The following ZCCHC14 variants were observed in gnomAD, a reference collection of about 807,000 sequenced individuals.
ZCCHC14 encodes zinc finger CCHC-type containing 14.
A neutral mutation model predicts 85.0 loss-of-function variants in ZCCHC14; 16 were observed. The observed-to-expected ratio is 0.19, with a 90% CI of 0.13 to 0.29. ZCCHC14 has a LOEUF of 0.29. Among genes scored for constraint, ZCCHC14 ranks in the 10% least tolerant of loss-of-function variants. ZCCHC14 has a pLI of 1.00. For missense variants in ZCCHC14, 1,303 were observed against 1,443.5 expected, an observed-to-expected ratio of 0.90 and a Z score of 1.58; for synonymous variants, 775 against 630.7, an observed-to-expected ratio of 1.23 and a Z score of -3.43.
rs750915820 is a variant in ZCCHC14 at position 87,411,755 on chromosome 16, G to A, written c.2966C>T (p.Ala989Val). The change falls in exon 12 of 13, where the codon GCC (alanine) becomes GTC (valine). Residue 989 changes from alanine (A) to valine (V), a missense_variant. Physicochemically the swap from Ala to Val is moderately conservative, Grantham distance 64. Coordinates refer to ENST00000671377, the MANE Select transcript of ZCCHC14 (RefSeq NM_015144.3). ...GGGSTFPVVHAPYSSSGTPDP... is the reference protein window; with the variant it reads ...GGGSTFPVVHVPYSSSGTPDP... ...TGGGGTCCCGCTGCTGCTGTAAGGG[G>A]CGTGCACGACGGGGAAGGTGGAGCC... 4 of 1,612,560 alleles carry A rather than the reference G, an allele frequency of 2.5e-6. 1 individual carries two copies. Among genetic ancestry groups the A allele is most frequent in the Admixed American group, 1.7e-5 (1 of 59,976 alleles).
At chr16:87,416,379 T>C (rs1392537008) in intron 8 of ZCCHC14, among the ~76,000 whole-genome samples, 2 of 152,200 alleles carry the variant, frequency 1.3e-5, no homozygotes, top group Admixed American at 1.3e-4. Flanking sequence ...TGATTTGTGA[T>C]TTAGGCCATC....
At position 87,492,643 on chromosome 16, in the gene ZCCHC14, T is replaced by G. The variant is rs1463997645; in HGVS notation, c.-405A>C. ...CGCCCGGGAGGCGGCCGCCCCCATC[T>G]CCCCCCGCGCCGCAGGGTCTGTCAC... On this transcript the variant is annotated 5_prime_UTR_variant, in exon 1 of 13. Transcript: ENST00000671377. This position sits in a 1 kb window ranked among gnomAD's most constrained non-coding sequence, Gnocchi z 6.7. 4.4e-5 allele frequency: 6 copies of G among 137,258 alleles called. No homozygotes were observed. Among genetic ancestry groups the G allele is most frequent in the Admixed American group, 2.9e-4 (4 of 14,000 alleles). 8.5% of individuals were successfully genotyped at this position (137,258 alleles called of 1,614,324 possible).
intron 3 of ZCCHC14, among the ~76,000 whole-genome samples, chr16:87,427,423 T>C (rs1375824916): frequency 6.6e-6 from 1 of 152,176 alleles, no homozygotes; most frequent in African/African-American, 2.4e-5. Flanking sequence ...TTTTTTTTCT[T>C]TTTGAGACAG....
intron 12 of ZCCHC14, among the ~76,000 whole-genome samples, chr16:87,410,742 G>A (rs900741348): frequency 1.3e-5 from 2 of 152,206 alleles, no homozygotes; most frequent in African/African-American, 4.8e-5. Context: ...ATGGCAGAGC[G>A]CCTGTCAACC....
chr16:87,459,215 G>A (rs888375606), intron 2 of ZCCHC14, among the ~76,000 whole-genome samples: 7 of 152,220 alleles, frequency 4.6e-5, no homozygotes, highest in African/African-American at 1.7e-4. Flanking sequence ...ACGTGTGGCT[G>A]CTGACAACCA....
intron 1 of ZCCHC14, among the ~76,000 whole-genome samples, chr16:87,483,211 A>C (rs530363273): frequency 6.8e-6 from 1 of 147,788 alleles, no homozygotes; most frequent in Non-Finnish European, 1.5e-5. Context: ...GAATCCCAGC[A>C]CTTTGGGAGG....
At chr16:87,459,832 T>G (rs973072205) in intron 2 of ZCCHC14, among the ~76,000 whole-genome samples, 176 bp downstream of exon 2, 1 of 152,174 alleles carries the variant, frequency 6.6e-6, no homozygotes, top group East Asian at 1.9e-4. Flanking sequence ...ACATCAATAA[T>G]TGAGATTTTT....
At chr16:87,487,161 T>C (rs1338152521) in intron 1 of ZCCHC14, among the ~76,000 whole-genome samples, 1 of 152,186 alleles carries the variant, frequency 6.6e-6, no homozygotes, top group Non-Finnish European at 1.5e-5. Context: ...ATCTGAAGTT[T>C]CCACAGTGCT....
intron 3 of ZCCHC14, among the ~76,000 whole-genome samples, chr16:87,431,398 G>A (rs751522611): frequency 4.7e-4 from 71 of 150,904 alleles, no homozygotes; most frequent in African/African-American, 1.4e-3. Context: ...GTGTGAACCC[G>A]GGAGGCGGAG....
chr16:87,451,585 C>A (rs995067286), intron 2 of ZCCHC14, among the ~76,000 whole-genome samples: 15 of 152,234 alleles, frequency 9.9e-5, no homozygotes, highest in African/African-American at 3.4e-4. Flanking sequence ...GGTAAACATT[C>A]TGCTCGGCAT....
At chr16:87,418,137 A>C (rs1408912838) in intron 7 of ZCCHC14, among the ~76,000 whole-genome samples, 1 of 151,838 alleles carries the variant, frequency 6.6e-6, no homozygotes, top group African/African-American at 2.4e-5. Flanking sequence ...AAAACATGCT[A>C]CTCCGATAGG....
intron 3 of ZCCHC14, among the ~76,000 whole-genome samples, chr16:87,431,485 AAAAAAAG>A (rs1203818661): frequency 6.6e-6 from 1 of 151,624 alleles, no homozygotes; most frequent in Non-Finnish European, 1.5e-5. Flanking sequence ...AAAAAAAAAA[AAAAAAAG>A]AAAAGAAAAG....
chr16:87,420,857 T>C lies in ZCCHC14; in HGVS notation c.841-141A>G. 1 of 606,144 alleles carries C rather than the reference T, an allele frequency of 1.6e-6. No homozygotes were observed. Among genetic ancestry groups the C allele is most frequent in the East Asian group, 3.1e-5 (1 of 32,374 alleles). The allele number at this position is 606,144 out of a possible 1,614,324, so 37.5% of individuals were successfully genotyped here. Reference sequence around the variant, plus strand: ...TATGATTTACACCTCCCGTCAGAGCTATTCTGGGGCCCACATCCACTTAGG... The same window carrying C: ...TATGATTTACACCTCCCGTCAGAGCCATTCTGGGGCCCACATCCACTTAGG... On this transcript the variant is annotated intron_variant, in intron 4 of 12. Coordinates refer to ENST00000671377, the MANE Select transcript of ZCCHC14 (RefSeq NM_015144.3). This position sits in a 1 kb window ranked among gnomAD's most constrained non-coding sequence, Gnocchi z 5.0.
rs539875270 is a variant in ZCCHC14, at chr16:87,490,971, G to C, written c.570+698C>G. On this transcript the variant is annotated intron_variant, in intron 1 of 12. Coordinates refer to ENST00000671377, the MANE Select transcript of ZCCHC14 (RefSeq NM_015144.3). ...CCTGTGTGGAGGGAGCGGCTCAGAC[G>C]GGGAAGCCCCAGCGCCTTGCAATGT... Among the ~76,000 whole-genome samples the C allele has an allele frequency of 2.1e-4, 32 of 152,358 alleles. No individual in the cohort carries two copies. The East Asian group carries it at 4.4e-3, about 21-fold the overall frequency.
chr16:87,470,353 T>G (rs371397057), intron 1 of ZCCHC14: 1 of 151,908 alleles, frequency 6.6e-6, no homozygotes. Flanking sequence ...AATAAATAAA[T>G]AATGAAAACA....
intron 2 of ZCCHC14, among the ~76,000 whole-genome samples, chr16:87,452,161 T>C (rs75206770): frequency 0.016 from 2,473 of 152,160 alleles, 25 homozygotes; most frequent in Middle Eastern, 0.048. Flanking sequence ...GATGGAGGCC[T>C]AGATGAGGGG....
At chr16:87,442,216 C>T (rs567384173) in intron 2 of ZCCHC14, among the ~76,000 whole-genome samples, 1 of 152,152 alleles carries the variant, frequency 6.6e-6, no homozygotes, top group Non-Finnish European at 1.5e-5. Context: ...AGCAATGCCC[C>T]CAAAGGACGA....
rs1250373847 is a variant in ZCCHC14 at position 87,433,261 on chromosome 16, T to C, written c.695-60A>G. On this transcript the variant is annotated intron_variant, in intron 2 of 12. Transcript: ENST00000671377. ...AGAGCTTGAAGTATATACATGATTA[T>C]TTAGCATTTGATATTCAGCAGTTTT... 2.2e-5 allele frequency: 33 copies of C among 1,508,394 alleles called. 1 individual carries two copies. Among genetic ancestry groups the C allele is most frequent in the Middle Eastern group, 1.8e-4 (1 of 5,486 alleles). 93.4% of individuals were successfully genotyped at this position (1,508,394 alleles called of 1,614,324 possible).
intron 2 of ZCCHC14, among the ~76,000 whole-genome samples, chr16:87,458,180 C>G (rs1911068164): frequency 6.6e-6 from 1 of 152,216 alleles, no homozygotes; most frequent in East Asian, 1.9e-4. Flanking sequence ...TTAAGATTCA[C>G]AGGGTGTGCA....
Sources: allele counts gnomAD v4.1 joint callset (sites outside exome capture counted in the v4.1 genomes callset), GRCh38; gene constraint gnomAD v4.1.1; non-coding constraint Gnocchi (gnomAD v3.1); transcripts MANE v1.5; gene names NCBI Gene and HGNC (gene_info 2026-07-23, HGNC 2026-07-21).